CCSER1: variants seen among roughly 807,000 people sequenced by gnomAD.
The protein encoded by CCSER1 is coiled-coil serine rich protein 1.
CCSER1 carries 41 observed loss-of-function variants against 82.0 expected under a neutral mutation model. That is an observed-to-expected ratio of 0.50 (90% CI 0.39 to 0.65). CCSER1 has a LOEUF of 0.65. CCSER1 is among the 30% of genes least tolerant of loss of function. CCSER1 has a pLI of 0.00. For missense variants in CCSER1, 1,119 were observed against 1,064.2 expected (o/e 1.05, Z -0.72); for synonymous variants, 414 against 383.9 (o/e 1.08, Z -0.92).
intron 1 of CCSER1, among the ~76,000 whole-genome samples, chr4:90,157,461 A>C (rs1314704330): frequency 3.9e-5 from 6 of 152,244 alleles, no homozygotes; most frequent in African/African-American, 1.2e-4. Context: ...TAATATCCTG[A>C]AGAGTGTTTT....
At chr4:91,563,198 A>G (rs1762733242) in intron 10 of CCSER1, among the ~76,000 whole-genome samples, 2 of 151,732 alleles carry the variant, frequency 1.3e-5, no homozygotes, top group Admixed American at 1.3e-4. Flanking sequence ...CCCTAATACT[A>G]AAGTCAGGCC....
chr4:90,180,968 TG>T (rs1733626155), intron 1 of CCSER1, among the ~76,000 whole-genome samples: 1 of 152,222 alleles, frequency 6.6e-6, no homozygotes, highest in African/African-American at 2.4e-5. Context: ...AGACTCTTTC[TG>T]TCTCAATTTC....
intron 10 of CCSER1, among the ~76,000 whole-genome samples, chr4:91,592,922 A>G (rs1351611157): frequency 3.3e-5 from 5 of 152,312 alleles, no homozygotes; most frequent in East Asian, 1.9e-4. Flanking sequence ...GCAAGCAATT[A>G]TAACAGAATA....
intron 10 of CCSER1, among the ~76,000 whole-genome samples, chr4:91,431,142 A>G (rs1468199093): frequency 3.3e-5 from 5 of 152,242 alleles, no homozygotes; most frequent in Middle Eastern, 6.8e-3. Context: ...AGGCTGAGGC[A>G]GGAGAATGGC....
chr4:90,422,738 G>A (rs1756888307), intron 4 of CCSER1, among the ~76,000 whole-genome samples: 1 of 152,128 alleles, frequency 6.6e-6, no homozygotes, highest in South Asian at 2.1e-4. Flanking sequence ...TTATTTTTAG[G>A]CAGGCGACTT....
chr4:90,468,425 T>C, intron 5 of CCSER1, 71 bp downstream of exon 5: 1 of 1,355,194 alleles, frequency 7.4e-7, no homozygotes, highest in Non-Finnish European at 1.0e-6. Flanking sequence ...ATGTGATTTA[T>C]AATAAATGTG....
At chr4:91,086,888 AT>A (rs1432197659) in intron 10 of CCSER1, among the ~76,000 whole-genome samples, 1 of 152,076 alleles carries the variant, frequency 6.6e-6, no homozygotes, top group Non-Finnish European at 1.5e-5. Flanking sequence ...GATATTTTCC[AT>A]CCAGAAAAAT....
intron 7 of CCSER1, among the ~76,000 whole-genome samples, chr4:90,733,401 A>T (rs572126622): frequency 1.3e-5 from 2 of 152,210 alleles, no homozygotes; most frequent in South Asian, 2.1e-4. Context: ...TGTCCTATAG[A>T]GTTGTTTGAG....
At chr4:91,068,960 A>G (rs1385915048) in intron 9 of CCSER1, among the ~76,000 whole-genome samples, 2 of 152,128 alleles carry the variant, frequency 1.3e-5, no homozygotes, top group Non-Finnish European at 2.9e-5. Flanking sequence ...AAGCAGGTGG[A>G]TCACCTGAGG....
At chr4:91,253,959 A>G in intron 10 of CCSER1, among the ~76,000 whole-genome samples, 1 of 152,262 alleles carries the variant, frequency 6.6e-6, no homozygotes, top group Non-Finnish European at 1.5e-5. Context: ...TTTGTGAGAA[A>G]CTGCCCCCAT....
At chr4:90,212,927 A>ACAGTGTT (rs1167051869) in intron 1 of CCSER1, among the ~76,000 whole-genome samples, 4 of 152,224 alleles carry the variant, frequency 2.6e-5, no homozygotes, top group Admixed American at 2.0e-4. Context: ...AGCCAGGAGA[A>ACAGTGTT]CAGTGTTGTA....
intron 10 of CCSER1, among the ~76,000 whole-genome samples, chr4:91,522,772 G>T (rs541725697): frequency 6.6e-6 from 1 of 152,194 alleles, no homozygotes; most frequent in Admixed American, 6.5e-5. Context: ...GGAGATTTTG[G>T]GCTGAGCTGA....
intron 5 of CCSER1, among the ~76,000 whole-genome samples, chr4:90,493,009 A>G (rs1003771131): frequency 6.6e-6 from 1 of 152,180 alleles, no homozygotes; most frequent in South Asian, 2.1e-4. Flanking sequence ...GAAGATAAAA[A>G]CCTTGAAAAA....
chr4:90,875,706 G>A (rs1378022708), intron 8 of CCSER1, among the ~76,000 whole-genome samples: 2 of 152,122 alleles, frequency 1.3e-5, no homozygotes, highest in African/African-American at 4.8e-5. Flanking sequence ...ACAGCTGGTT[G>A]CTTTAATTTG....
At chr4:91,043,678 C>T (rs753323725) in intron 9 of CCSER1, among the ~76,000 whole-genome samples, 1 of 145,960 alleles carries the variant, frequency 6.9e-6, no homozygotes, top group Non-Finnish European at 1.5e-5. Flanking sequence ...GCAACCTCCA[C>T]TTCCCGGGTT....
chr4:91,508,314 C>G (rs1429659894), intron 10 of CCSER1, among the ~76,000 whole-genome samples: 1 of 74,334 alleles, frequency 1.3e-5, no homozygotes, highest in Non-Finnish European at 3.2e-5. Context: ...AATATAAAAA[C>G]ATGGTGGCGC....
rs1256405759 is a variant in CCSER1 at position 90,700,721 on chromosome 4, G to A, written c.1933-23193G>A. 3.3e-5 allele frequency among the ~76,000 whole-genome samples: 5 copies of A among 152,278 alleles called. No homozygotes were observed. The East Asian group carries it at 5.8e-4, about 18-fold the overall frequency. On this transcript the variant is annotated intron_variant, in intron 6 of 10. Transcript: ENST00000509176. ...TGGTATCTCACTGTGATTTTGATTT[G>A]CATTTCTCTGATGACCAGTGATGAT... is the stretch of plus-strand genomic sequence containing the variant.
intron 3 of CCSER1, among the ~76,000 whole-genome samples, chr4:90,364,393 A>C (rs1745915589): frequency 6.6e-6 from 1 of 152,038 alleles, no homozygotes; most frequent in African/African-American, 2.4e-5. Flanking sequence ...TGCCAAATGA[A>C]AATGAAAGGT....
At chr4:90,425,925 A>T (rs569091224) in intron 4 of CCSER1, among the ~76,000 whole-genome samples, 6,718 of 150,154 alleles carry the variant, frequency 0.045, 307 homozygotes, top group African/African-American at 0.13. Context: ...ATTTTTTTTA[A>T]AAAAAAAACG....
Sources: gnomAD v4.1 joint callset for allele counts (sites outside exome capture counted in the v4.1 genomes callset) on GRCh38, gnomAD v4.1.1 for gene constraint, MANE v1.5 for transcripts, NCBI Gene and HGNC (gene_info 2026-07-23, HGNC 2026-07-21) for gene names.